PGM5: variants seen among roughly 807,000 people sequenced by gnomAD.
PGM5 encodes the protein phosphoglucomutase 5.
A neutral mutation model predicts 59.2 loss-of-function variants in PGM5; 23 were observed. The ratio of observed to expected loss-of-function variants is 0.39; its 90% CI spans 0.28 to 0.55. PGM5 has a LOEUF of 0.55. PGM5 is among the 20% of genes least tolerant of loss of function. The pLI is 0.66. For missense variants in PGM5, 574 were observed against 748.3 expected (o/e 0.77, Z 2.72); for synonymous variants, 214 against 286.0 (o/e 0.75, Z 2.54).
chr9:68,428,374 A>C (rs1167971222), intron 6 of PGM5, among the ~76,000 whole-genome samples: 1 of 152,174 alleles, frequency 6.6e-6, no homozygotes, highest in Non-Finnish European at 1.5e-5. Context: ...ACATATAGTT[A>C]GAGGTTTGCG....
intron 6 of PGM5, among the ~76,000 whole-genome samples, chr9:68,462,461 T>C (rs192972729): frequency 4.9e-4 from 74 of 152,272 alleles, no homozygotes; most frequent in Non-Finnish European, 8.1e-4. Context: ...ATCCTGGAAT[T>C]TGATTACCCA....
At chr9:68,408,953 G>T (rs1554681389) in intron 6 of PGM5, among the ~76,000 whole-genome samples, 2 of 152,012 alleles carry the variant, frequency 1.3e-5, no homozygotes, top group African/African-American at 2.4e-5. Context: ...TTTGGTACCA[G>T]TACCATGCTG....
intron 10 of PGM5, among the ~76,000 whole-genome samples, chr9:68,512,489 T>A (rs11142697): frequency 0.073 from 11,184 of 152,242 alleles, 771 homozygotes; most frequent in East Asian, 0.35. Context: ...ACAGAGCTGG[T>A]TCCCTCTGAG....
At chr9:68,517,441 A>G (rs1308991491) in intron 10 of PGM5, among the ~76,000 whole-genome samples, 3 of 152,172 alleles carry the variant, frequency 2.0e-5, no homozygotes, top group African/African-American at 7.2e-5. Context: ...TAAAATTTAT[A>G]CTTATTAATA....
intron 10 of PGM5, among the ~76,000 whole-genome samples, chr9:68,511,292 T>G (rs1356693739): frequency 6.6e-6 from 1 of 152,222 alleles, no homozygotes; most frequent in Non-Finnish European, 1.5e-5. Flanking sequence ...ACAAAGAGTC[T>G]GTTCTGTCAG....
At chr9:68,508,597 T>G (rs1381531187) in intron 10 of PGM5, among the ~76,000 whole-genome samples, 2 of 152,254 alleles carry the variant, frequency 1.3e-5, no homozygotes, top group Non-Finnish European at 2.9e-5. Flanking sequence ...GTGATGTTTA[T>G]ATCCACAAAT....
intron 7 of PGM5, among the ~76,000 whole-genome samples, chr9:68,471,904 G>A (rs1289235218): frequency 6.6e-6 from 1 of 151,344 alleles, no homozygotes; most frequent in African/African-American, 2.4e-5. Flanking sequence ...GGGTGACAGG[G>A]TGAGACTCCA....
intron 6 of PGM5, chr9:68,405,137 C>T (rs1822771848): frequency 6.6e-6 from 1 of 152,202 alleles, no homozygotes; most frequent in Admixed American, 6.5e-5. Flanking sequence ...AAACTGAAAA[C>T]ATCAACTCAA....
chr9:68,389,044 C>A (rs1554679186), intron 4 of PGM5, among the ~76,000 whole-genome samples: 2 of 151,662 alleles, frequency 1.3e-5, no homozygotes, highest in African/African-American at 4.8e-5. Context: ...TTCTATTTCC[C>A]CTTCTCCTCC....
At chr9:68,454,469 G>C (rs1823741898) in intron 6 of PGM5, among the ~76,000 whole-genome samples, 1 of 152,184 alleles carries the variant, frequency 6.6e-6, no homozygotes, top group South Asian at 2.1e-4. Context: ...GGTGCTTGAA[G>C]GGGGCTCCAT....
chr9:68,499,975 C>A (rs1268140054), intron 10 of PGM5, among the ~76,000 whole-genome samples: 1 of 152,190 alleles, frequency 6.6e-6, no homozygotes, highest in Admixed American at 6.5e-5. Context: ...CTCCCACATT[C>A]ATTAAAGCTC....
At chr9:68,477,194 G>T (rs953105730) in intron 7 of PGM5, among the ~76,000 whole-genome samples, 7 of 152,136 alleles carry the variant, frequency 4.6e-5, no homozygotes. Flanking sequence ...TAACCCAGAG[G>T]CAACCACAAC....
rs1227521615 is a variant in PGM5 at position 68,442,394 on chromosome 9, C to T, written c.1044-22699C>T. ...CCACCTCCCAGGTTCAAGTGATCCTCCTGCCTCAGCAGGAGCCACCACCAT... is the reference window on the plus strand; with the variant it reads ...CCACCTCCCAGGTTCAAGTGATCCTTCTGCCTCAGCAGGAGCCACCACCAT... On this transcript the variant is annotated intron_variant, in intron 6 of 10. Coordinates refer to ENST00000396396, the MANE Select transcript of PGM5 (RefSeq NM_021965.4). Among the ~76,000 whole-genome samples, 16 of 152,170 alleles carry T rather than the reference C, an allele frequency of 1.1e-4. 1 individual carries two copies. The highest frequency in any genetic ancestry group is 1.5e-5 in the Non-Finnish European group (1 of 68,030).
In PGM5 at chr9:68,510,312, C is replaced by T. The variant is rs1008275382; in HGVS notation, c.1614+10951C>T. Among the ~76,000 whole-genome samples, 17 of 151,994 alleles carry T rather than the reference C, an allele frequency of 1.1e-4. No homozygotes were observed. In the East Asian group the frequency reaches 1.7e-3, roughly 16 times the overall value. ...GACTACACGCACCCGCCACCACGCC[C>T]GGCTAAATTTTTGTATTTTTAGTAG... is the stretch of plus-strand genomic sequence containing the variant. On this transcript the variant is annotated intron_variant, in intron 10 of 10. Transcript: ENST00000396396.
At chr9:68,492,092 T>C (rs1824400936) in intron 9 of PGM5, among the ~76,000 whole-genome samples, 1 of 152,116 alleles carries the variant, frequency 6.6e-6, no homozygotes, top group Non-Finnish European at 1.5e-5. Flanking sequence ...TGTCTCTGTG[T>C]TGTCGGGTGG....
At chr9:68,491,869 G>T in intron 9 of PGM5, among the ~76,000 whole-genome samples, 1 of 152,134 alleles carries the variant, frequency 6.6e-6, no homozygotes, top group East Asian at 1.9e-4. Context: ...AAAATAGAAT[G>T]AGGGAGACCC....
At position 68,407,640 on chromosome 9, in the gene PGM5, A is replaced by G. The variant is rs1409104029; in HGVS notation, c.1043+15167A>G. 1.1e-4 allele frequency among the ~76,000 whole-genome samples: 17 copies of G among 152,266 alleles called. No homozygotes were observed. In the East Asian group the frequency reaches 2.1e-3, roughly 19 times the overall value. ...TGCTGGCCAAAAGCCTCAAACCCCC[A>G]AACAGACCTGAAATGTTTATCCCTA... On this transcript the variant is annotated intron_variant, in intron 6 of 10. Transcript: ENST00000396396.
chr9:68,455,567 A>G (rs950718048), intron 6 of PGM5, among the ~76,000 whole-genome samples: 3 of 152,096 alleles, frequency 2.0e-5, no homozygotes, highest in African/African-American at 7.2e-5. Context: ...GGCACTAAGA[A>G]TCTTGGGAAA....
chr9:68,484,577 C>T (rs147011285), intron 9 of PGM5, among the ~76,000 whole-genome samples: 1 of 111,248 alleles, frequency 9.0e-6, no homozygotes, highest in South Asian at 3.0e-4. Context: ...CACACACACA[C>T]AAAACAAAAC....
Sources: gnomAD v4.1 joint callset for allele counts (sites outside exome capture counted in the v4.1 genomes callset) on GRCh38, gnomAD v4.1.1 for gene constraint, MANE v1.5 for transcripts, NCBI Gene and HGNC (gene_info 2026-07-23, HGNC 2026-07-21) for gene names.